Variants in SLC4A10 observed in about 807,000 individuals in gnomAD.
SLC4A10 encodes the protein solute carrier family 4 member 10.
SLC4A10 carries 42 observed loss-of-function variants against 137.7 expected under a neutral mutation model. The ratio of observed to expected loss-of-function variants is 0.30; its 90% CI spans 0.24 to 0.39. The LOEUF is 0.39. Ranked by LOEUF, SLC4A10 falls within the 10% of genes least tolerant of loss-of-function variation. The pLI is 1.00. For missense variants in SLC4A10, 925 were observed against 1,355.0 expected, an observed-to-expected ratio of 0.68 and a Z score of 4.98; for synonymous variants, 474 against 464.1, an observed-to-expected ratio of 1.02 and a Z score of -0.27.
chr2:161,760,689 G>A (rs1452927488), intron 1 of SLC4A10, among the ~76,000 whole-genome samples: 5 of 151,908 alleles, frequency 3.3e-5, no homozygotes, highest in Admixed American at 3.3e-4. Flanking sequence ...AGCCTTTACT[G>A]ACATTATCTG....
At chr2:161,817,521 T>C (rs1051697307) in intron 3 of SLC4A10, among the ~76,000 whole-genome samples, 2 of 152,134 alleles carry the variant, frequency 1.3e-5, no homozygotes, top group African/African-American at 4.8e-5. Context: ...TTTGTTGCCA[T>C]TGCTTTTGGT....
At chr2:161,869,619 C>T (rs1024510875) in intron 6 of SLC4A10, among the ~76,000 whole-genome samples, 2 of 151,402 alleles carry the variant, frequency 1.3e-5, no homozygotes, top group East Asian at 1.9e-4. Flanking sequence ...ATCTATACAT[C>T]GTTCTATATA....
chr2:161,624,716 A>G, intron 1 of SLC4A10, 150 bp downstream of exon 1: 1 of 1,035,456 alleles, frequency 9.7e-7, no homozygotes, highest in Non-Finnish European at 1.4e-6. Context: ...CCATCTTGGG[A>G]GACTGAAATG....
At chr2:161,632,545 CT>C (rs1380379021) in intron 1 of SLC4A10, among the ~76,000 whole-genome samples, 3 of 151,550 alleles carry the variant, frequency 2.0e-5, no homozygotes, top group African/African-American at 7.3e-5. Flanking sequence ...ATATAAATGT[CT>C]GTTAAAAACA....
intron 1 of SLC4A10, among the ~76,000 whole-genome samples, chr2:161,765,001 T>C (rs1387946977): frequency 1.3e-5 from 2 of 152,154 alleles, no homozygotes; most frequent in Admixed American, 1.3e-4. Context: ...GATTAGTTAC[T>C]GTTACTCTGT....
chr2:161,929,329 C>A (rs1433284822), intron 15 of SLC4A10, among the ~76,000 whole-genome samples: 1 of 152,180 alleles, frequency 6.6e-6, no homozygotes, highest in East Asian at 1.9e-4. Context: ...GGGTTAGGAA[C>A]CGAGGCAGAT....
At chr2:161,705,891 T>C (rs1284642278) in intron 1 of SLC4A10, among the ~76,000 whole-genome samples, 1 of 151,610 alleles carries the variant, frequency 6.6e-6, no homozygotes, top group East Asian at 1.9e-4. Context: ...CAAATATTTG[T>C]TAAGGCTTAT....
In SLC4A10 at chr2:161,755,820, G is replaced by A. The variant is rs2049566717; in HGVS notation, c.49-15153G>A. ...GAGTCTTGCCCTGTCACCTAGGCTGGAGTGCAATGGCGCAATCTCGGCTCA... is the reference window on the plus strand; with the variant it reads ...GAGTCTTGCCCTGTCACCTAGGCTGAAGTGCAATGGCGCAATCTCGGCTCA... On this transcript the variant is annotated intron_variant, in intron 1 of 26. Transcript: ENST00000446997. 2.0e-5 allele frequency among the ~76,000 whole-genome samples: 3 copies of A among 150,590 alleles called. No homozygotes were observed. In the South Asian group the frequency reaches 6.3e-4, roughly 32 times the overall value.
intron 11 of SLC4A10, among the ~76,000 whole-genome samples, chr2:161,899,839 G>T (rs900099449): frequency 6.6e-6 from 1 of 152,026 alleles, no homozygotes; most frequent in Non-Finnish European, 1.5e-5. Context: ...TTGAACTTTA[G>T]TCTTACTGCG....
At chr2:161,975,732 G>T (rs1333710061) in intron 24 of SLC4A10, among the ~76,000 whole-genome samples, 1 of 152,198 alleles carries the variant, frequency 6.6e-6, no homozygotes, top group Non-Finnish European at 1.5e-5. Flanking sequence ...ATATGAAAAG[G>T]CGGCATTTGA....
intron 1 of SLC4A10, among the ~76,000 whole-genome samples, chr2:161,744,650 T>A (rs1369204614): frequency 6.6e-6 from 1 of 152,138 alleles, no homozygotes; most frequent in African/African-American, 2.4e-5. Flanking sequence ...ACCCATTATT[T>A]TCAATGGATG....
At chr2:161,872,457 G>A in intron 7 of SLC4A10, 73 bp downstream of exon 7, 2 of 1,146,020 alleles carry the variant, frequency 1.7e-6, no homozygotes, top group Non-Finnish European at 2.6e-6. Flanking sequence ...TTTAAGAGGT[G>A]TTGACACAAT....
chr2:161,836,601 G>GA (rs1559359829), intron 3 of SLC4A10, among the ~76,000 whole-genome samples: 7 of 23,990 alleles, frequency 2.9e-4, no homozygotes, highest in Non-Finnish European at 4.6e-4. Context: ...AGAAAGAAAG[G>GA]AAGGAAGGAA....
chr2:161,938,501 TTATATTA>T (rs1481626446), intron 15 of SLC4A10, among the ~76,000 whole-genome samples: 2 of 151,066 alleles, frequency 1.3e-5, no homozygotes, highest in Admixed American at 1.3e-4. Flanking sequence ...TTATTATAGA[TTATATTA>T]TAGATTATAC....
At chr2:161,934,968 C>T (rs1019012838) in intron 15 of SLC4A10, among the ~76,000 whole-genome samples, 8 of 151,832 alleles carry the variant, frequency 5.3e-5, no homozygotes, top group South Asian at 4.1e-4. Context: ...TTTGCTTTCC[C>T]AGTCTGTGAT....
chr2:161,696,734 T>C (rs914297429), intron 1 of SLC4A10, among the ~76,000 whole-genome samples: 6 of 152,134 alleles, frequency 3.9e-5, no homozygotes, highest in Non-Finnish European at 5.9e-5. Flanking sequence ...GTTCCAAGTC[T>C]TTGCTATTGT....
chr2:161,880,212 G>T (rs772728165), intron 9 of SLC4A10, among the ~76,000 whole-genome samples: 2 of 152,088 alleles, frequency 1.3e-5, no homozygotes, highest in African/African-American at 4.8e-5. Flanking sequence ...TGATGCTACA[G>T]CTATCTCAAA....
intron 1 of SLC4A10, among the ~76,000 whole-genome samples, chr2:161,625,066 CGTGTGTGTGTGTGTGTGTGTGTGTGT>C (rs5835872): frequency 6.9e-6 from 1 of 144,206 alleles, no homozygotes; most frequent in East Asian, 2.1e-4. Flanking sequence ...ACAGAAGGAT[CGTGTGTGTGTGTGTGTGTGTGTGTGT>C]GTGTGTGTGT....
intron 1 of SLC4A10, among the ~76,000 whole-genome samples, chr2:161,722,804 G>A (rs778877968): frequency 2.6e-5 from 4 of 152,280 alleles, no homozygotes; most frequent in South Asian, 4.1e-4. Context: ...ACAAGACTGC[G>A]TCCTCTCCTC....
Sources: allele counts gnomAD v4.1 joint callset (sites outside exome capture counted in the v4.1 genomes callset), GRCh38; gene constraint gnomAD v4.1.1; transcripts MANE v1.5; gene names NCBI Gene and HGNC (gene_info 2026-07-23, HGNC 2026-07-21).